Variants in MYLK4 observed in about 807,000 individuals in gnomAD.
MYLK4 encodes the protein myosin light chain kinase family member 4.
MYLK4 carries 46 observed loss-of-function variants against 48.1 expected under a neutral mutation model. The ratio of observed to expected loss-of-function variants is 0.96; its 90% CI spans 0.75 to 1.22. The LOEUF (loss-of-function observed/expected upper bound fraction) is 1.22. Ranked by LOEUF, MYLK4 falls within the 50% of genes most tolerant of loss-of-function variation. The pLI, the probability that MYLK4 is intolerant of heterozygous loss-of-function variation, is 0.00. For synonymous variants in MYLK4, 170 were observed against 180.8 expected (o/e 0.94, Z 0.48); for missense variants, 451 against 486.1 (o/e 0.93, Z 0.68).
rs139845223 is a variant in MYLK4, at chr6:2,749,309, C to T, written c.-15G>A. The T allele has an allele frequency of 1.9e-5, 31 of 1,607,358 alleles. No homozygotes were observed. The East Asian group carries it at 4.2e-4, about 22-fold the overall frequency. On this transcript the variant is annotated 5_prime_UTR_variant, in exon 2 of 13. Coordinates refer to ENST00000274643, the MANE Select transcript of MYLK4 (RefSeq NM_001012418.5). ...ACTTTTAACATCTTAGTAGTGAGTC[C>T]GATTAAGCTACTTTCTGGAGTGTGG... is the stretch of plus-strand genomic sequence containing the variant.
Position 2,678,352 on chromosome 6 carries a change from A to G in MYLK4, c.908T>C (p.Phe303Ser). The change falls in exon 10 of 13, where the codon TTC (phenylalanine) becomes TCC (serine). Residue 303 changes from phenylalanine to serine, a missense_variant. Phe to Ser is a radical substitution (Grantham distance 155). Transcript: ENST00000274643. ...AYMLLSGLSP[F>S]LGDNDAETLN... is the part of the protein sequence containing the mutation. ...CGTCTCAGCATCATTGTCACCCAGGAAAGGCGACAAACCGCTAAGTCTGGA... is the reference window on the plus strand; with the variant it reads ...CGTCTCAGCATCATTGTCACCCAGGGAAGGCGACAAACCGCTAAGTCTGGA... 1.9e-6 allele frequency: 3 copies of G among 1,613,984 alleles called. No individual in the cohort carries two copies. The highest frequency in any genetic ancestry group is 2.5e-6 in the Non-Finnish European group (3 of 1,180,012).
intron 6 of MYLK4, among the ~76,000 whole-genome samples, chr6:2,683,639 G>A (rs986638675): frequency 1.3e-4 from 20 of 152,178 alleles, no homozygotes; most frequent in African/African-American, 4.1e-4. Context: ...GGCTGGTTTC[G>A]AACTCCTGAC....
intron 2 of MYLK4, chr6:2,743,823 T>C (rs963428566): frequency 2.5e-6 from 1 of 397,468 alleles, no homozygotes; most frequent in Non-Finnish European, 4.4e-6. Flanking sequence ...CCATTTACTT[T>C]GGCAAGCGTC....
chr6:2,746,675 C>T (rs1287825172), intron 2 of MYLK4, among the ~76,000 whole-genome samples: 1 of 152,148 alleles, frequency 6.6e-6, no homozygotes, highest in Non-Finnish European at 1.5e-5. Flanking sequence ...CTATGATTAG[C>T]CGTGCTAATC....
chr6:2,765,641 G>A, the MYLK4 span: 6 of 1,542,816 alleles, frequency 3.9e-6, no homozygotes, highest in East Asian at 2.6e-5. Context: ...GAGCGGGCCG[G>A]AAGACGACCC....
chr6:2,763,336 G>T, the MYLK4 span, among the ~76,000 whole-genome samples: 1 of 152,266 alleles, frequency 6.6e-6, no homozygotes, highest in Admixed American at 6.5e-5. Flanking sequence ...TAATGAGCCT[G>T]CATTGCTCAG....
Position 2,714,313 on chromosome 6 carries a change from T to G in MYLK4, c.160-21454A>C, listed in dbSNP as rs117494630. 2.8e-4 allele frequency among the ~76,000 whole-genome samples: 43 copies of G among 152,348 alleles called. No homozygotes were observed. In the East Asian group the frequency reaches 5.6e-3, roughly 20 times the overall value. ...CGTCCCAGAAGTTACCCCCGCTTCT[T>G]AGAAAGTTCTAAGTAAACTGCCCCT... On this transcript the variant is annotated intron_variant, in intron 2 of 12. Transcript: ENST00000274643.
the MYLK4 span, among the ~76,000 whole-genome samples, chr6:2,767,281 A>C: frequency 6.6e-6 from 1 of 152,266 alleles, no homozygotes; most frequent in Non-Finnish European, 1.5e-5. Flanking sequence ...GTGCTTAAAT[A>C]CAGGATGCTT....
chr6:2,748,371 G>A (rs994410612), intron 2 of MYLK4, among the ~76,000 whole-genome samples: 7 of 152,226 alleles, frequency 4.6e-5, no homozygotes, highest in African/African-American at 1.7e-4. Flanking sequence ...CACCACATGT[G>A]CTGGAATGAA....
Position 2,685,712 on chromosome 6 carries a change from G to A in MYLK4, c.342-136C>T, listed in dbSNP as rs1761513949. On this transcript the variant is annotated intron_variant, in intron 4 of 12. Transcript: ENST00000274643. This position sits in a 1 kb window ranked among gnomAD's most constrained non-coding sequence, Gnocchi z 4.5. ...GAGGAGTTCTTTCAGTAAACTTCTA[G>A]AGCAGTATTTGTCAACATGTGGTGT... 2 of 692,198 alleles carry A rather than the reference G, an allele frequency of 2.9e-6. No homozygotes were observed. The highest frequency in any genetic ancestry group is 3.6e-5 in the South Asian group (2 of 55,680). 42.9% of individuals were successfully genotyped at this position (692,198 alleles called of 1,614,324 possible).
chr6:2,684,096 T>C (rs1480697245), intron 6 of MYLK4, among the ~76,000 whole-genome samples: 2 of 152,112 alleles, frequency 1.3e-5, no homozygotes, highest in South Asian at 2.1e-4. Flanking sequence ...ACGAGTAAAA[T>C]AGAACAATTA....
intron 2 of MYLK4, among the ~76,000 whole-genome samples, chr6:2,745,408 G>A (rs974663555): frequency 2.6e-5 from 4 of 152,088 alleles, no homozygotes; most frequent in South Asian, 2.1e-4. Context: ...AGTAGCTATC[G>A]AGCTCATCAC....
intron 2 of MYLK4, among the ~76,000 whole-genome samples, chr6:2,707,325 G>A (rs1327811686): frequency 6.6e-6 from 1 of 152,134 alleles, no homozygotes; most frequent in African/African-American, 2.4e-5. Context: ...AATGAGATCA[G>A]TTCAATTTGG....
At chr6:2,746,702 G>A (rs76720403) in intron 2 of MYLK4, among the ~76,000 whole-genome samples, 3,388 of 152,282 alleles carry the variant, frequency 0.022, 132 homozygotes, top group African/African-American at 0.077. Flanking sequence ...AAGAGAGAAG[G>A]GATGAGAGAG....
chr6:2,685,318 C>A lies in MYLK4; in HGVS notation c.523G>T (p.Asp175Tyr). Residue 175 changes from aspartate (D) to tyrosine (Y), a missense_variant, in exon 6 of 13, where the codon GAC becomes TAC. Coordinates refer to ENST00000274643, the MANE Select transcript of MYLK4 (RefSeq NM_001012418.5). The surrounding 1 kb of genome is among the most constrained non-coding windows in gnomAD (Gnocchi z 4.5). ...TACTACTCCATGACCAGGACAATGT[C>A]GTTCTTAGACTCGAAGGCATCGTAC... ...QLYDAFESKN[D>Y]IVLVMEYVDG... 6.2e-7 allele frequency: 1 copy of A among 1,613,216 alleles called. No individual in the cohort carries two copies. The highest frequency in any genetic ancestry group is 8.5e-7 in the Non-Finnish European group (1 of 1,179,578).
the MYLK4 span, chr6:2,765,386 A>C: frequency 5.5e-6 from 2 of 365,642 alleles, no homozygotes; most frequent in Admixed American, 5.1e-5. Context: ...GCAAACGGCC[A>C]CGAACTACAC....
At chr6:2,745,142 A>AG (rs1582128592) in intron 2 of MYLK4, among the ~76,000 whole-genome samples, 1 of 152,194 alleles carries the variant, frequency 6.6e-6, no homozygotes, top group East Asian at 1.9e-4. Flanking sequence ...AGAAGCACGC[A>AG]GGGCCGAATG....
chr6:2,727,296 A>G (rs1348051086), intron 2 of MYLK4, among the ~76,000 whole-genome samples: 4 of 152,224 alleles, frequency 2.6e-5, no homozygotes, highest in Admixed American at 2.6e-4. Flanking sequence ...TCTGCCCACA[A>G]GGAAAGAGAA....
the MYLK4 span, among the ~76,000 whole-genome samples, chr6:2,766,621 G>T: frequency 2.6e-5 from 4 of 152,206 alleles, no homozygotes; most frequent in Non-Finnish European, 5.9e-5. Flanking sequence ...TCTGTGATGG[G>T]TGTGAAAAGG....
Sources: allele counts gnomAD v4.1 joint callset (sites outside exome capture counted in the v4.1 genomes callset), GRCh38; gene constraint gnomAD v4.1.1; non-coding constraint Gnocchi (gnomAD v3.1); transcripts MANE v1.5; gene names NCBI Gene and HGNC (gene_info 2026-07-23, HGNC 2026-07-21).